GPM6B: variants seen among roughly 807,000 people sequenced by gnomAD.
GPM6B encodes glycoprotein M6B, also known as neuronal membrane glycoprotein M6-b.
A neutral mutation model predicts 27.2 loss-of-function variants in GPM6B; 4 were observed. That is an observed-to-expected ratio of 0.15 (90% CI 0.07 to 0.34). The LOEUF (loss-of-function observed/expected upper bound fraction) is 0.34. Ranked by LOEUF, GPM6B falls within the 10% of genes least tolerant of loss-of-function variation. The pLI, the probability that GPM6B is intolerant of heterozygous loss-of-function variation, is 1.00. For missense variants in GPM6B, 183 were observed against 261.9 expected (o/e 0.70, Z 2.08); for synonymous variants, 124 against 103.1 (o/e 1.20, Z -1.23).
intron 1 of GPM6B, among the ~76,000 whole-genome samples, chrX:13,897,034 G>A (rs182989431): frequency 8.9e-6 from 1 of 112,527 alleles, no homozygotes; most frequent in Non-Finnish European, 1.9e-5. Flanking sequence ...CCAGATGACT[G>A]AGTCAACTGC....
chrX:13,935,105 C>T (rs1216310383), intron 1 of GPM6B, among the ~76,000 whole-genome samples: 1 of 111,876 alleles, frequency 8.9e-6, no homozygotes, highest in Non-Finnish European at 1.9e-5. Context: ...CATTTAAATA[C>T]ATAATCCTTA....
intron 1 of GPM6B, among the ~76,000 whole-genome samples, chrX:13,914,016 T>C (rs2050405047): frequency 9.0e-6 from 1 of 111,646 alleles, no homozygotes; most frequent in Non-Finnish European, 1.9e-5. Context: ...CCTCCCAAAG[T>C]GCTGAAATCA....
chrX:13,849,292 T>C (rs1005709498), intron 1 of GPM6B, among the ~76,000 whole-genome samples: 5 of 112,743 alleles, frequency 4.4e-5, no homozygotes, highest in African/African-American at 6.4e-5. Flanking sequence ...GCCAAGAAGA[T>C]AGAATCATCA....
At chrX:13,910,521 G>A (rs1024431977) in intron 1 of GPM6B, among the ~76,000 whole-genome samples, 1 of 113,216 alleles carries the variant, frequency 8.8e-6, no homozygotes, top group Admixed American at 9.3e-5. Flanking sequence ...CACTGAAAAC[G>A]GATGCAGGCC....
Position 13,807,642 on chromosome X carries a change from G to A in GPM6B, c.181+8C>T. The A allele has an allele frequency of 8.6e-7, 1 of 1,160,653 alleles. No individual in the cohort carries two copies. Among genetic ancestry groups the A allele is most frequent in the Non-Finnish European group, 1.2e-6 (1 of 864,013 alleles). On this transcript the variant is annotated splice_region_variant and intron_variant, in intron 2 of 7. Transcript: ENST00000316715. ...TGCTATTAGAATTCACCCCAAGGCT[G>A]TATTTACCTGGACTGCTCAAGGGGC...
intron 1 of GPM6B, among the ~76,000 whole-genome samples, chrX:13,886,719 T>TTAAAA (rs1555926580): frequency 2.8e-5 from 1 of 35,106 alleles, no homozygotes; most frequent in Non-Finnish European, 4.0e-5. Context: ...AAGTCACTAC[T>TTAAAA]AAAAAAAAAA....
At chrX:13,822,813 G>C (rs924639822) in intron 1 of GPM6B, among the ~76,000 whole-genome samples, 2 of 111,795 alleles carry the variant, frequency 1.8e-5, no homozygotes, top group African/African-American at 6.5e-5. Flanking sequence ...AGACAGAAAA[G>C]ATACTTTTTA....
intron 1 of GPM6B, among the ~76,000 whole-genome samples, chrX:13,913,325 T>A (rs768633307): frequency 5.2e-4 from 14 of 26,891 alleles, no homozygotes; most frequent in Non-Finnish European, 1.0e-3. Flanking sequence ...AATTTTCGTA[T>A]TTTTTTTTTT....
chrX:13,841,458 T>C (rs1329468020), intron 1 of GPM6B, among the ~76,000 whole-genome samples: 1 of 112,178 alleles, frequency 8.9e-6, no homozygotes, highest in Non-Finnish European at 1.9e-5. Flanking sequence ...GGAGCAGTCA[T>C]CCAAGATCTA....
intron 1 of GPM6B, among the ~76,000 whole-genome samples, chrX:13,935,335 CAAAAAAAA>C (rs60400361): frequency 2.3e-5 from 1 of 42,725 alleles, no homozygotes; most frequent in Non-Finnish European, 4.0e-5. Flanking sequence ...CCTATCTCTA[CAAAAAAAA>C]AAAAAAAAAA....
At chrX:13,846,790 C>CT (rs10656571) in intron 1 of GPM6B, among the ~76,000 whole-genome samples, 1,953 of 85,376 alleles carry the variant, frequency 0.023, 57 homozygotes, top group South Asian at 0.053. Flanking sequence ...ACTGCGCCAG[C>CT]TTTTTTTTTT....
At chrX:13,879,160 T>C (rs936385144) in intron 1 of GPM6B, among the ~76,000 whole-genome samples, 4 of 112,285 alleles carry the variant, frequency 3.6e-5, no homozygotes, top group African/African-American at 1.3e-4. Flanking sequence ...TTGACAACAG[T>C]ACTGTATTTG....
chrX:13,831,256 GT>G (rs2049436701), intron 1 of GPM6B, among the ~76,000 whole-genome samples: 1 of 106,236 alleles, frequency 9.4e-6, no homozygotes, highest in Non-Finnish European at 1.9e-5. Flanking sequence ...ATGGAAACTG[GT>G]TTATTTACAA....
chrX:13,885,362 T>C (rs1377651224), intron 1 of GPM6B, among the ~76,000 whole-genome samples: 1 of 112,579 alleles, frequency 8.9e-6, no homozygotes, highest in African/African-American at 3.2e-5. Context: ...TTCAAATAGA[T>C]GTTCAGGAAG....
intron 1 of GPM6B, among the ~76,000 whole-genome samples, chrX:13,933,339 AATATAGCAGATG>A (rs1921670492): frequency 8.9e-6 from 1 of 111,864 alleles, no homozygotes; most frequent in African/African-American, 3.2e-5. Flanking sequence ...GATGGCTCAA[AATATAGCAGATG>A]CTCTCTTACC....
At chrX:13,883,853 CAA>C (rs11285615) in intron 1 of GPM6B, among the ~76,000 whole-genome samples, 14 of 100,281 alleles carry the variant, frequency 1.4e-4, no homozygotes, top group African/African-American at 1.8e-4. Context: ...GTCTCTAAAC[CAA>C]AAAAAAAAAA....
chrX:13,830,672 C>G (rs993979646), intron 1 of GPM6B, among the ~76,000 whole-genome samples: 1 of 112,487 alleles, frequency 8.9e-6, no homozygotes, highest in Non-Finnish European at 1.9e-5. Context: ...AAACTTGCAT[C>G]TAAAATTTGC....
At chrX:13,848,703 G>A (rs2049678868) in intron 1 of GPM6B, among the ~76,000 whole-genome samples, 1 of 111,932 alleles carries the variant, frequency 8.9e-6, no homozygotes, top group Non-Finnish European at 1.9e-5. Flanking sequence ...TTCTCAAAAA[G>A]TTAAAGAGTT....
In GPM6B at chrX:13,771,112, C is replaced by CTGTT. The variant is rs1376662806; in HGVS notation, c.*1765_*1768dup. ...GGCACTGATAGAAAATATTGATTCA[C>CTGTT]TGTTAGGTTACAAAAATTTATACAT... On this transcript the variant is annotated 3_prime_UTR_variant, in exon 8 of 8. Coordinates refer to ENST00000316715, the MANE Select transcript of GPM6B (RefSeq NM_001001995.3). The CTGTT allele has an allele frequency of 4.4e-4, 49 of 112,495 alleles. No individual in the cohort carries two copies. Among genetic ancestry groups the CTGTT allele is most frequent in the African/African-American group, 1.4e-3 (43 of 30,930 alleles). 9.3% of individuals were successfully genotyped at this position (112,495 alleles called of 1,213,427 possible). A position where few individuals can be genotyped will look rare whatever the true frequency, so the allele number is the denominator to read the frequency against.
Sources: gnomAD v4.1 joint callset for allele counts (sites outside exome capture counted in the v4.1 genomes callset) on GRCh38, gnomAD v4.1.1 for gene constraint, MANE v1.5 for transcripts, NCBI Gene and HGNC (gene_info 2026-07-23, HGNC 2026-07-21) for gene names.